The following METTL4 variants were observed in gnomAD, a reference collection of about 807,000 sequenced individuals.
METTL4 encodes the protein methyltransferase 4, N6-adenosine, also known as N(6)-adenine-specific methyltransferase METTL4.
METTL4 carries 40 observed loss-of-function variants against 54.0 expected under a neutral mutation model. The observed-to-expected ratio is 0.74, with a 90% CI of 0.58 to 0.96. The LOEUF (loss-of-function observed/expected upper bound fraction) is 0.96, where lower values mean the gene tolerates loss of function less well. METTL4 is among the 50% of genes least tolerant of loss of function. The pLI is 0.00. For missense variants in METTL4, 525 were observed against 549.0 expected (o/e 0.96, Z 0.44); for synonymous variants, 169 against 183.8 (o/e 0.92, Z 0.65).
At chr18:2,560,525 A>T (rs1598353529) in intron 3 of METTL4, among the ~76,000 whole-genome samples, 1 of 152,278 alleles carries the variant, frequency 6.6e-6, no homozygotes, top group East Asian at 1.9e-4. Context: ...AAGGCCGAAG[A>T]AGTAAATATA....
Position 2,538,851 on chromosome 18 carries a change from C to T in METTL4, c.*149G>A. ...AATTCATCTTAAAATTACATGAAGGCTAGTCACTTCTGGTCCCTTACTGAA... is the reference window on the plus strand; with the variant it reads ...AATTCATCTTAAAATTACATGAAGGTTAGTCACTTCTGGTCCCTTACTGAA... On this transcript the variant is annotated 3_prime_UTR_variant, in exon 9 of 9. Coordinates refer to ENST00000574538, the MANE Select transcript of METTL4 (RefSeq NM_022840.5). 1.5e-6 allele frequency: 1 copy of T among 689,034 alleles called. No homozygotes were observed. Among genetic ancestry groups the T allele is most frequent in the Non-Finnish European group, 2.4e-6 (1 of 419,552 alleles). The allele number at this position is 689,034 out of a possible 1,614,324, so 42.7% of individuals were successfully genotyped here.
At chr18:2,560,823 G>T (rs2072305935) in intron 3 of METTL4, among the ~76,000 whole-genome samples, 1 of 152,180 alleles carries the variant, frequency 6.6e-6, no homozygotes, top group Admixed American at 6.5e-5. Flanking sequence ...AGTTTGCAGT[G>T]AGCGGAGATG....
intron 8 of METTL4, among the ~76,000 whole-genome samples, chr18:2,542,785 A>C (rs2037983682): frequency 6.6e-6 from 1 of 152,166 alleles, no homozygotes; most frequent in Non-Finnish European, 1.5e-5. Context: ...CAAAGAATGG[A>C]TTATCAGGTA....
chr18:2,543,770 G>A (rs909492698), intron 8 of METTL4, among the ~76,000 whole-genome samples: 10 of 152,162 alleles, frequency 6.6e-5, no homozygotes, highest in Admixed American at 1.3e-4. Flanking sequence ...TTAAAAAAAC[G>A]TAAAACTGAG....
rs753574846 is a variant in METTL4, at chr18:2,544,761, TGATAGG to T, written c.1075-8_1075-3del. The T allele has an allele frequency of 1.1e-5, 17 of 1,602,090 alleles. No individual in the cohort carries two copies. The highest frequency in any genetic ancestry group is 8.8e-5 in the South Asian group (8 of 90,684). On this transcript the variant is annotated splice_polypyrimidine_tract_variant and splice_region_variant and intron_variant, in intron 6 of 8. Coordinates refer to ENST00000574538, the MANE Select transcript of METTL4 (RefSeq NM_022840.5). ...CACAAATTCTCCTGAATTGGTTATCTGATAGGAAGGAGCCAACAAAAGAGGGTTATT... is the reference window on the plus strand; with the variant it reads ...CACAAATTCTCCTGAATTGGTTATCTAAGGAGCCAACAAAAGAGGGTTATT...
At chr18:2,560,617 C>T (rs964627407) in intron 3 of METTL4, among the ~76,000 whole-genome samples, 2 of 152,168 alleles carry the variant, frequency 1.3e-5, no homozygotes, top group African/African-American at 4.8e-5. Context: ...GTGGCTCACG[C>T]CTATAATTCC....
rs1472601930 is a variant in METTL4, at chr18:2,538,924, T to TA, written c.*75dup. ...CTAAGAATATGGGTTGGTAACAAAA[T>TA]AAAAAAATGACTTAGAATTAAGGGA... On this transcript the variant is annotated 3_prime_UTR_variant, in exon 9 of 9. Coordinates refer to ENST00000574538, the MANE Select transcript of METTL4 (RefSeq NM_022840.5). The TA allele has an allele frequency of 9.9e-6, 15 of 1,509,152 alleles. No homozygotes were observed. The highest frequency in any genetic ancestry group is 1.4e-5 in the African/African-American group (1 of 71,390). 93.5% of individuals were successfully genotyped at this position (1,509,152 alleles called of 1,614,324 possible). A position where few individuals can be genotyped will look rare whatever the true frequency, so the allele number is the denominator to read the frequency against.
rs12607745 is a variant in METTL4 at position 2,551,590 on chromosome 18, A to G, written c.899+1105T>C. Among the ~76,000 whole-genome samples, 106 of 152,172 alleles carry G rather than the reference A, an allele frequency of 7.0e-4. No homozygotes were observed. In the East Asian group the frequency reaches 0.019, roughly 28 times the overall value. On this transcript the variant is annotated intron_variant, in intron 5 of 8. Coordinates refer to ENST00000574538, the MANE Select transcript of METTL4 (RefSeq NM_022840.5). ...CATACACCTGTAGTCCCAGCTACTC[A>G]GGAGGCTTAGGCAGCAGGCACATCT...
rs1227373754 is a variant in METTL4, at chr18:2,537,898, G to C, written c.*1102C>G. 3 of 398,348 alleles carry C rather than the reference G, an allele frequency of 7.5e-6. No homozygotes were observed. The Admixed American group carries it at 1.3e-4, about 18-fold the overall frequency. The allele number at this position is 398,348 out of a possible 1,614,324, so 24.7% of individuals were successfully genotyped here. A position where few individuals can be genotyped will look rare whatever the true frequency, so the allele number is the denominator to read the frequency against. Reference sequence around the variant, plus strand: ...AGAAAGCAAACCAGTGTTTGCCAGGGGCCAAGGATAGGAGCAGGGGATTGA... The same window carrying C: ...AGAAAGCAAACCAGTGTTTGCCAGGCGCCAAGGATAGGAGCAGGGGATTGA... On this transcript the variant is annotated 3_prime_UTR_variant, in exon 9 of 9. Transcript: ENST00000574538.
At chr18:2,541,982 A>G (rs992104946) in intron 8 of METTL4, among the ~76,000 whole-genome samples, 2 of 152,180 alleles carry the variant, frequency 1.3e-5, no homozygotes, top group Admixed American at 6.5e-5. Flanking sequence ...ATACAGTAAC[A>G]TGAACTCAAA....
chr18:2,557,111 A>G (rs2143549051), intron 3 of METTL4, among the ~76,000 whole-genome samples: 1 of 152,210 alleles, frequency 6.6e-6, no homozygotes, highest in South Asian at 2.1e-4. Flanking sequence ...CAGAGCCTGG[A>G]AGAATCCCTG....
At chr18:2,551,895 T>A (rs1473074733) in intron 5 of METTL4, among the ~76,000 whole-genome samples, 1 of 151,934 alleles carries the variant, frequency 6.6e-6, no homozygotes, top group Admixed American at 6.6e-5. Context: ...AAGACATTCA[T>A]TAGAATTGAA....
At position 2,566,803 on chromosome 18, in the gene METTL4, T is replaced by C. The variant is rs2072424921; in HGVS notation, c.396+18A>G. 1.3e-6 allele frequency: 2 copies of C among 1,504,262 alleles called. No homozygotes were observed. Among genetic ancestry groups the C allele is most frequent in the Non-Finnish European group, 1.8e-6 (2 of 1,121,156 alleles). 93.2% of individuals were successfully genotyped at this position (1,504,262 alleles called of 1,614,324 possible). A position where few individuals can be genotyped will look rare whatever the true frequency, so the allele number is the denominator to read the frequency against. On this transcript the variant is annotated intron_variant, in intron 2 of 8. Transcript: ENST00000574538. ...TATGTTTTCTGGAGAAAAATAAATA[T>C]TTCTTAAAACTTTCTACCTTCCCAA... is the stretch of plus-strand genomic sequence containing the variant.
intron 2 of METTL4, among the ~76,000 whole-genome samples, chr18:2,565,835 A>G (rs1479922668): frequency 1.3e-5 from 2 of 152,122 alleles, no homozygotes; most frequent in African/African-American, 4.8e-5. Flanking sequence ...TCACGAGGTC[A>G]GGAGATCAAG....
At chr18:2,556,443 T>C (rs886173738) in intron 3 of METTL4, among the ~76,000 whole-genome samples, 3 of 151,840 alleles carry the variant, frequency 2.0e-5, no homozygotes, top group Non-Finnish European at 4.4e-5. Context: ...AATATGAAAA[T>C]ATGAACTACC....
intron 8 of METTL4, among the ~76,000 whole-genome samples, chr18:2,542,372 A>G (rs1024914839): frequency 8.5e-6 from 1 of 117,078 alleles, no homozygotes; most frequent in Non-Finnish European, 1.7e-5. Context: ...CCACCCCACA[A>G]CAGTCCCCAG....
At chr18:2,552,795 C>A (rs1402222939) in intron 4 of METTL4, 31 bp from the exon 5 acceptor site, 21 of 1,435,412 alleles carry the variant, frequency 1.5e-5, no homozygotes, top group Non-Finnish European at 2.1e-5. Context: ...TCAGAAAATA[C>A]CTTCTCTATG....
chr18:2,556,971 G>C (rs1276272694), intron 3 of METTL4, among the ~76,000 whole-genome samples: 1 of 152,092 alleles, frequency 6.6e-6, no homozygotes, highest in Non-Finnish European at 1.5e-5. Flanking sequence ...ACAACAAAGA[G>C]AAACAGTAGC....
Position 2,557,300 on chromosome 18 carries a change from AC to A in METTL4, c.460-2263del, listed in dbSNP as rs568532753. On this transcript the variant is annotated intron_variant, in intron 3 of 8. Transcript: ENST00000574538. Reference sequence around the variant, plus strand: ...ACTATCAGAAGCTGGGAAAATGAGTACCCCAAAAATTTAAAAAATAAAAATA... The same window carrying A: ...ACTATCAGAAGCTGGGAAAATGAGTACCCAAAAATTTAAAAAATAAAAATA... Among the ~76,000 whole-genome samples, 174 of 152,118 alleles carry A rather than the reference AC, an allele frequency of 1.1e-3. 1 individual carries two copies. Among genetic ancestry groups the A allele is most frequent in the African/African-American group, 4.1e-3 (169 of 41,502 alleles).
Sources: gnomAD v4.1 joint callset for allele counts (sites outside exome capture counted in the v4.1 genomes callset) on GRCh38, gnomAD v4.1.1 for gene constraint, MANE v1.5 for transcripts, NCBI Gene and HGNC (gene_info 2026-07-23, HGNC 2026-07-21) for gene names.